Variants in PLCH2 observed in about 807,000 individuals in gnomAD.
PLCH2 encodes the protein 1-phosphatidylinositol 4,5-bisphosphate phosphodiesterase eta-2.
In PLCH2, 98 loss-of-function variants were observed where a neutral mutation model predicts 134.7. That is an observed-to-expected ratio of 0.73 (90% CI 0.62 to 0.86). The LOEUF is 0.86. Ranked by LOEUF, PLCH2 falls within the 40% of genes least tolerant of loss-of-function variation. The pLI is 0.00. For missense variants in PLCH2, 1,994 were observed against 1,986.6 expected (o/e 1.00, Z -0.07); for synonymous variants, 974 against 827.5 (o/e 1.18, Z -3.04).
At chr1:2,452,067 A>C (rs1315878529) in intron 2 of PLCH2, among the ~76,000 whole-genome samples, 1 of 152,182 alleles carries the variant, frequency 6.6e-6, no homozygotes, top group African/African-American at 2.4e-5. Flanking sequence ...GTGCACGGGA[A>C]GGCGCCCCCT....
the PLCH2 span, among the ~76,000 whole-genome samples, chr1:2,416,464 C>T: frequency 2.6e-5 from 4 of 152,222 alleles, no homozygotes; most frequent in Non-Finnish European, 4.4e-5. Flanking sequence ...AGAACGGGTT[C>T]GTCTGCCTGG....
chr1:2,487,840 G>C (rs1642368857), intron 8 of PLCH2, 122 bp downstream of exon 8: 4 of 964,240 alleles, frequency 4.1e-6, no homozygotes, highest in Non-Finnish European at 6.2e-6. Context: ...GGTGACCAGG[G>C]GGCTGGTTTC....
chr1:2,437,257 C>T (rs1020813515), intron 2 of PLCH2, among the ~76,000 whole-genome samples: 6 of 152,106 alleles, frequency 3.9e-5, no homozygotes, highest in African/African-American at 9.7e-5. Context: ...TGGTGGGCTG[C>T]GAGCCCCTCT....
In PLCH2 at chr1:2,489,634, C is replaced by T. The variant is rs141435325; in HGVS notation, c.1408-126C>T. On this transcript the variant is annotated intron_variant, in intron 9 of 21. Coordinates refer to ENST00000378486, the MANE Select transcript of PLCH2 (RefSeq NM_014638.4). ...GGCCAGTCTGGCCCCTGCCCCATGG[C>T]TGAGATGCCAAAACTGAGCTTGAGA... 1.0e-4 allele frequency: 84 copies of T among 813,050 alleles called. No individual in the cohort carries two copies. In the African/African-American group the frequency reaches 1.1e-3, roughly 11 times the overall value. 50.4% of individuals were successfully genotyped at this position (813,050 alleles called of 1,614,324 possible).
chr1:2,489,890 G>A (rs747537814), intron 10 of PLCH2, 23 bp downstream of exon 10: 1 of 1,512,706 alleles, frequency 6.6e-7, no homozygotes, highest in East Asian at 2.3e-5. Flanking sequence ...GGAGGTGGAG[G>A]GGGGCGCGTG....
At chr1:2,497,668 G>A (rs1231749622) in intron 16 of PLCH2, 59 bp downstream of exon 16, 3 of 1,197,638 alleles carry the variant, frequency 2.5e-6, no homozygotes, top group African/African-American at 3.0e-5. Context: ...CCTCCTGGGT[G>A]TCCCCAGAAC....
chr1:2,497,370 T>C (rs368679690), intron 15 of PLCH2, 132 bp from the exon 16 acceptor site: 2 of 672,676 alleles, frequency 3.0e-6, no homozygotes, highest in East Asian at 2.7e-5. Context: ...CCCATTCACA[T>C]TGGGTGAACG....
chr1:2,494,722 G>A (rs904989560), intron 11 of PLCH2, 134 bp from the exon 12 acceptor site: 7 of 425,982 alleles, frequency 1.6e-5, no homozygotes, highest in Admixed American at 7.7e-5. Flanking sequence ...CTCCCCTCCC[G>A]TCTGCCTTAC....
rs1004972796 is a variant in PLCH2, at chr1:2,479,475, G to A, written c.272-259G>A. On this transcript the variant is annotated intron_variant, in intron 2 of 21. Coordinates refer to ENST00000378486, the MANE Select transcript of PLCH2 (RefSeq NM_014638.4). ...CACTGGGGGCTGCAGGTGGAGGGAG[G>A]TGGATGCTCTCCCTCGTGGGGGCGT... 20 of 434,188 alleles carry A rather than the reference G, an allele frequency of 4.6e-5. 1 individual carries two copies. In the South Asian group the frequency reaches 4.9e-4, roughly 11 times the overall value. 26.9% of individuals were successfully genotyped at this position (434,188 alleles called of 1,614,324 possible).
At chr1:2,478,192 G>A (rs1017576403) in intron 1 of PLCH2, among the ~76,000 whole-genome samples, 1 of 152,182 alleles carries the variant, frequency 6.6e-6, no homozygotes, top group Non-Finnish European at 1.5e-5. Flanking sequence ...TGGGGAGCAG[G>A]GCCCTCAGTT....
At chr1:2,489,157 A>G in intron 8 of PLCH2, 50 bp from the exon 9 acceptor site, 1 of 1,543,130 alleles carries the variant, frequency 6.5e-7, no homozygotes, top group Non-Finnish European at 8.9e-7. Context: ...GGGCTTACCC[A>G]TCCTCTGAGG....
At chr1:2,443,602 C>CCGT (rs1474653476) in intron 2 of PLCH2, among the ~76,000 whole-genome samples, 8 of 151,142 alleles carry the variant, frequency 5.3e-5, no homozygotes, top group Non-Finnish European at 1.2e-4. Flanking sequence ...GCTAGCCCCG[C>CCGT]GCCCCACCTG....
At chr1:2,457,153 G>T (rs747861476) in intron 2 of PLCH2, among the ~76,000 whole-genome samples, 1 of 152,198 alleles carries the variant, frequency 6.6e-6, no homozygotes, top group African/African-American at 2.4e-5. Context: ...GCCTGGGGCT[G>T]GGGGGTACCC....
At chr1:2,457,898 C>G (rs1428894225) in intron 2 of PLCH2, among the ~76,000 whole-genome samples, 2 of 147,236 alleles carry the variant, frequency 1.4e-5, no homozygotes, top group East Asian at 4.0e-4. Flanking sequence ...AAAAAAAAAG[C>G]ATTTGCCAGC....
intron 2 of PLCH2, chr1:2,479,034 A>AG (rs1336214989): frequency 2.5e-5 from 5 of 198,038 alleles, no homozygotes; most frequent in Non-Finnish European, 4.2e-5. Flanking sequence ...TGGAGGGAGC[A>AG]GGGGCCACCC....
At chr1:2,425,636 C>A (rs1638757134), upstream of PLCH2, among the ~76,000 whole-genome samples, 2 of 151,892 alleles carry the variant, frequency 1.3e-5, no homozygotes, top group Admixed American at 1.3e-4. Context: ...GCCTCAGACC[C>A]CCAAGTAGCC....
Position 2,502,178 on chromosome 1 carries a change from CA to C in PLCH2, c.2729del (p.His910LeufsTer136). ...RGPKPGSLDS[H>X]AAGRPPARPS... The stretch of plus-strand genomic sequence containing the variant: ...CCCAAAGCCCGGCTCGCTGGACAGT[CA>C]TGCTGCTGGGCGGCCCCCGGCCCGG... On this transcript the variant is annotated frameshift_variant, in exon 21 of 22. Transcript: ENST00000378486. LOFTEE classifies it high-confidence loss of function. The C allele has an allele frequency of 6.5e-7, 1 of 1,529,260 alleles. No homozygotes were observed. Among genetic ancestry groups the C allele is most frequent in the Non-Finnish European group, 8.8e-7 (1 of 1,140,220 alleles). 94.7% of individuals were successfully genotyped at this position (1,529,260 alleles called of 1,614,324 possible). A position where few individuals can be genotyped will look rare whatever the true frequency, so the allele number is the denominator to read the frequency against.
chr1:2,472,467 C>T (rs1641372496), upstream of PLCH2, among the ~76,000 whole-genome samples: 1 of 152,160 alleles, frequency 6.6e-6, no homozygotes, highest in Non-Finnish European at 1.5e-5. Flanking sequence ...AGAGCCAGGG[C>T]CAGGAAGGGC....
chr1:2,499,388 T>G (rs1417179466), intron 19 of PLCH2, among the ~76,000 whole-genome samples, 158 bp downstream of exon 19: 1 of 152,102 alleles, frequency 6.6e-6, no homozygotes, highest in Non-Finnish European at 1.5e-5. Context: ...CCTGGGGATC[T>G]GCGGGTCAGG....
Sources: allele counts gnomAD v4.1 joint callset (sites outside exome capture counted in the v4.1 genomes callset), GRCh38; gene constraint gnomAD v4.1.1; transcripts MANE v1.5; gene names NCBI Gene and HGNC (gene_info 2026-07-23, HGNC 2026-07-21).